Variants in USP48 observed in about 807,000 individuals in gnomAD.
The protein encoded by USP48 is ubiquitin carboxyl-terminal hydrolase 48.
A neutral mutation model predicts 150.7 loss-of-function variants in USP48; 43 were observed. The ratio of observed to expected loss-of-function variants is 0.29; its 90% confidence interval spans 0.22 to 0.37. USP48 has a LOEUF of 0.37. Among genes scored for constraint, USP48 ranks in the 10% least tolerant of loss-of-function variants. The probability of loss-of-function intolerance (pLI) is 1.00; values close to 1 mark genes in which losing one functional copy is unlikely to be tolerated. For missense variants in USP48, 813 were observed against 1,249.6 expected (o/e 0.65, Z 5.27); for synonymous variants, 396 against 425.9 (o/e 0.93, Z 0.86).
Position 21,756,577 on chromosome 1 carries a change from G to A in USP48, c.381C>T (p.Tyr127=), listed in dbSNP as rs1052222725. The A allele has an allele frequency of 3.8e-6, 6 of 1,590,556 alleles. No individual in the cohort carries two copies. Among genetic ancestry groups the A allele is most frequent in the Middle Eastern group, 1.7e-4 (1 of 6,000 alleles). Residue 127 remains tyrosine, a synonymous_variant, in exon 3 of 27, where the codon TAC becomes TAT. Transcript: ENST00000308271. ...LYLCPSTCSD[Y]MLGDGIQEEK... The stretch of plus-strand genomic sequence containing the variant: ...CTTCTTGGATGCCGTCTCCCAGCAT[G>A]TAGTCACTACAAGTGCTTGGACATA...
intron 17 of USP48, 98 bp from the exon 18 acceptor site, chr1:21,706,285 T>G: frequency 2.0e-6 from 3 of 1,514,726 alleles, no homozygotes; most frequent in Middle Eastern, 1.7e-4. Flanking sequence ...TCAAGTTTTA[T>G]AAATAAAATG....
intron 1 of USP48, among the ~76,000 whole-genome samples, chr1:21,773,089 CTACAAAAA>C (rs1345752028): frequency 6.6e-6 from 1 of 151,104 alleles, no homozygotes; most frequent in Non-Finnish European, 1.5e-5. Context: ...AAACCCCTCT[CTACAAAAA>C]TACAAAAATT....
At chr1:21,760,198 T>A (rs1014061952) in intron 1 of USP48, among the ~76,000 whole-genome samples, 6 of 152,162 alleles carry the variant, frequency 3.9e-5, no homozygotes, top group Admixed American at 2.0e-4. Context: ...AAAGAAAGAT[T>A]CACTAACAGT....
At chr1:21,724,124 A>G in intron 11 of USP48, 29 bp from the exon 12 acceptor site, 2 of 1,605,570 alleles carry the variant, frequency 1.2e-6, no homozygotes, top group Non-Finnish European at 1.7e-6. Flanking sequence ...GAAAGAGCCT[A>G]TGTATTTTTA....
intron 15 of USP48, among the ~76,000 whole-genome samples, chr1:21,713,265 C>A (rs2097695355): frequency 6.6e-6 from 1 of 152,058 alleles, no homozygotes; most frequent in African/African-American, 2.4e-5. Flanking sequence ...CGATCACCAC[C>A]CCTGGCTAAT....
At chr1:21,762,573 A>G (rs1327046343) in intron 1 of USP48, among the ~76,000 whole-genome samples, 1 of 152,004 alleles carries the variant, frequency 6.6e-6, no homozygotes, top group African/African-American at 2.4e-5. Flanking sequence ...GGGTGGTAAA[A>G]ATTTTTCACA....
At chr1:21,723,597 AT>A (rs1237446970) in intron 12 of USP48, among the ~76,000 whole-genome samples, 1 of 151,986 alleles carries the variant, frequency 6.6e-6, no homozygotes, top group East Asian at 1.9e-4. Flanking sequence ...CTTAAACAGT[AT>A]TACACAGAGT....
At chr1:21,696,905 A>C (rs1230753834) in intron 22 of USP48, among the ~76,000 whole-genome samples, 1 of 2,286 alleles carries the variant, frequency 4.4e-4, no homozygotes, top group Non-Finnish European at 8.7e-4. Context: ...GCGGTGGGGG[A>C]TGGGGGGTGA....
intron 1 of USP48, among the ~76,000 whole-genome samples, chr1:21,778,835 T>G (rs1450844553): frequency 1.3e-5 from 2 of 151,606 alleles, no homozygotes; most frequent in African/African-American, 2.4e-5. Context: ...CTGCAAGCTC[T>G]GCCTCCCGGG....
intron 12 of USP48, 39 bp from the exon 13 acceptor site, chr1:21,721,803 C>A: frequency 7.2e-7 from 1 of 1,393,316 alleles, no homozygotes; most frequent in South Asian, 1.4e-5. Flanking sequence ...ATATTTCATT[C>A]AAACAGACTT....
At chr1:21,690,271 C>T (rs1264398710) in intron 23 of USP48, among the ~76,000 whole-genome samples, 172 bp from the exon 24 acceptor site, 1 of 151,804 alleles carries the variant, frequency 6.6e-6, no homozygotes, top group Non-Finnish European at 1.5e-5. Flanking sequence ...GCTATCGTCC[C>T]TATATATCCG....
Position 21,751,487 on chromosome 1 carries a change from A to G in USP48, c.774+20T>C, listed in dbSNP as rs1265926106. On this transcript the variant is annotated intron_variant, in intron 6 of 26. Coordinates refer to ENST00000308271, the MANE Select transcript of USP48 (RefSeq NM_032236.8). ...AACTGTTAATGGGCAGGAACAATAC[A>G]TACACCAAAATTTGAATACCTTCAA... The G allele has an allele frequency of 6.3e-7, 1 of 1,584,234 alleles. No individual in the cohort carries two copies. The highest frequency in any genetic ancestry group is 1.3e-5 in the African/African-American group (1 of 74,464).
chr1:21,738,095 T>C (rs956792799), intron 8 of USP48, among the ~76,000 whole-genome samples: 4 of 152,060 alleles, frequency 2.6e-5, no homozygotes, highest in Admixed American at 6.5e-5. Context: ...TTTGCTCATG[T>C]TGCCCAGGCT....
At chr1:21,754,590 G>A (rs2097826649) in intron 3 of USP48, among the ~76,000 whole-genome samples, 1 of 152,166 alleles carries the variant, frequency 6.6e-6, no homozygotes, top group Non-Finnish European at 1.5e-5. Flanking sequence ...TATCAAGAAG[G>A]TAAGGCTTCT....
intron 22 of USP48, among the ~76,000 whole-genome samples, chr1:21,701,127 G>A (rs1157156039): frequency 6.6e-6 from 1 of 150,730 alleles, no homozygotes; most frequent in Non-Finnish European, 1.5e-5. Flanking sequence ...AGCACTTTGG[G>A]AGGCTGCGGT....
At chr1:21,709,856 T>C (rs549369486) in intron 15 of USP48, among the ~76,000 whole-genome samples, 43 of 152,334 alleles carry the variant, frequency 2.8e-4, no homozygotes, top group African/African-American at 8.2e-4. Flanking sequence ...TACTGTAGTC[T>C]AGTTGGTAAT....
chr1:21,705,103 A>C (rs916024853), intron 19 of USP48, among the ~76,000 whole-genome samples: 22 of 152,198 alleles, frequency 1.4e-4, no homozygotes, highest in African/African-American at 5.3e-4. Context: ...TAAAGTACTG[A>C]AATATGAATA....
chr1:21,782,870 T>A lies in USP48; in HGVS notation c.88A>T (p.Thr30Ser), dbSNP rs1323941522. The A allele has an allele frequency of 6.4e-7, 1 of 1,560,724 alleles. No individual in the cohort carries two copies. The highest frequency in any genetic ancestry group is 1.2e-5 in the South Asian group (1 of 84,612). ...GGCTCCAGCCAGATGCGGTAAGCGG[T>A]CTCGATGTGCTCCTGCGACACCTCC... ...PEEVSQEHIE[T>S]AYRIWLEPCI... Residue 30 changes from threonine (T) to serine (S), a missense_variant, in exon 1 of 27, where the codon ACC becomes TCC. Thr to Ser is a moderately conservative substitution (Grantham distance 58). Coordinates refer to ENST00000308271, the MANE Select transcript of USP48 (RefSeq NM_032236.8).
chr1:21,692,095 A>G (rs890059663), intron 23 of USP48, among the ~76,000 whole-genome samples: 4 of 152,142 alleles, frequency 2.6e-5, no homozygotes, highest in Admixed American at 6.5e-5. Flanking sequence ...CCAAAGACAA[A>G]TAAGAACAAG....
Sources: allele counts gnomAD v4.1 joint callset (sites outside exome capture counted in the v4.1 genomes callset), GRCh38; gene constraint gnomAD v4.1.1; transcripts MANE v1.5; gene names NCBI Gene and HGNC (gene_info 2026-07-23, HGNC 2026-07-21).